ASAP1: variants seen among roughly 807,000 people sequenced by gnomAD.
ASAP1 encodes ArfGAP with SH3 domain, ankyrin repeat and PH domain 1, also known as arf-GAP with SH3 domain, ANK repeat and PH domain-containing protein 1.
ASAP1 carries 43 observed loss-of-function variants against 145.2 expected under a neutral mutation model. The ratio of observed to expected loss-of-function variants is 0.30; its 90% confidence interval spans 0.23 to 0.38. ASAP1 has a LOEUF of 0.38. ASAP1 is among the 10% of genes least tolerant of loss of function. The pLI is 1.00. For missense variants in ASAP1, 1,018 were observed against 1,355.3 expected, an observed-to-expected ratio of 0.75 and a Z score of 3.91; for synonymous variants, 546 against 515.5, an observed-to-expected ratio of 1.06 and a Z score of -0.80.
intron 3 of ASAP1, among the ~76,000 whole-genome samples, chr8:130,246,397 T>C (rs1005090687): frequency 4.6e-5 from 7 of 152,294 alleles, no homozygotes; most frequent in African/African-American, 1.4e-4. Context: ...AAATCTCATG[T>C]TGAACTGTAA....
chr8:130,168,371 G>A (rs2097684421), intron 10 of ASAP1, among the ~76,000 whole-genome samples: 1 of 152,106 alleles, frequency 6.6e-6, no homozygotes, highest in Non-Finnish European at 1.5e-5. Context: ...AATCAAAGGC[G>A]TGGTGGCTCA....
chr8:130,285,856 C>A (rs929191988), intron 3 of ASAP1, among the ~76,000 whole-genome samples: 3 of 152,130 alleles, frequency 2.0e-5, no homozygotes, highest in Non-Finnish European at 4.4e-5. Context: ...TGAGCGAGTA[C>A]CAACAATGTT....
intron 25 of ASAP1, among the ~76,000 whole-genome samples, chr8:130,087,323 C>T (rs143262783): frequency 1.3e-3 from 196 of 152,226 alleles, no homozygotes; most frequent in African/African-American, 4.5e-3. Context: ...AGTTTGAGAC[C>T]AGCCTGGCCA....
rs111685612 is a variant in ASAP1, at chr8:130,253,850, G to A, written c.187-16856C>T. Among the ~76,000 whole-genome samples the A allele has an allele frequency of 7.9e-3, 1,207 of 152,058 alleles. 14 individuals are homozygous for A. The highest frequency in any genetic ancestry group is 0.028 in the African/African-American group (1,164 of 41,492). ...AGCCTGGCCAACATGGTGAAACCCC[G>A]TCTCTACTAAAAATATAAAAATTAG... On this transcript the variant is annotated intron_variant, in intron 3 of 29. Coordinates refer to ENST00000518721, the MANE Select transcript of ASAP1 (RefSeq NM_018482.4).
At chr8:130,291,395 C>G (rs768278244) in intron 3 of ASAP1, among the ~76,000 whole-genome samples, 3 of 152,194 alleles carry the variant, frequency 2.0e-5, no homozygotes, top group Non-Finnish European at 4.4e-5. Flanking sequence ...CTCCACATGT[C>G]CTTGGGACTT....
chr8:130,161,926 G>A (rs192021021), intron 11 of ASAP1, among the ~76,000 whole-genome samples: 26 of 152,206 alleles, frequency 1.7e-4, no homozygotes, highest in African/African-American at 5.1e-4. Flanking sequence ...TCAGCCTTCT[G>A]AGTAGCTGGG....
chr8:130,321,931 C>A (rs1824032185), intron 3 of ASAP1, among the ~76,000 whole-genome samples: 1 of 152,168 alleles, frequency 6.6e-6, no homozygotes, highest in Non-Finnish European at 1.5e-5. Context: ...TTATACCTGG[C>A]ATATAACAGA....
intron 27 of ASAP1, among the ~76,000 whole-genome samples, chr8:130,073,579 C>T (rs1220663897): frequency 6.6e-6 from 1 of 152,076 alleles, no homozygotes; most frequent in East Asian, 1.9e-4. Flanking sequence ...AAGGAACTGA[C>T]AGTGCAGCGA....
chr8:130,107,841 G>A (rs1027104428), intron 24 of ASAP1, among the ~76,000 whole-genome samples: 2 of 152,072 alleles, frequency 1.3e-5, no homozygotes, highest in East Asian at 3.9e-4. Flanking sequence ...GAGACACCAC[G>A]CCCGACCACC....
intron 18 of ASAP1, among the ~76,000 whole-genome samples, chr8:130,123,523 C>A (rs532270036): frequency 6.6e-6 from 1 of 152,160 alleles, no homozygotes; most frequent in Non-Finnish European, 1.5e-5. Context: ...CTGTGCATCC[C>A]GGAAATACAT....
chr8:130,356,144 T>C (rs1826293247), intron 3 of ASAP1, among the ~76,000 whole-genome samples: 1 of 152,242 alleles, frequency 6.6e-6, no homozygotes. Flanking sequence ...CTGCATGTAA[T>C]TTAACATTAA....
chr8:130,117,818 C>T (rs898726728), intron 20 of ASAP1, among the ~76,000 whole-genome samples: 2 of 152,194 alleles, frequency 1.3e-5, no homozygotes, highest in African/African-American at 4.8e-5. Flanking sequence ...TTTTTGGATA[C>T]AGACATAATT....
chr8:130,133,690 A>AACAC (rs1488766059), intron 15 of ASAP1, among the ~76,000 whole-genome samples: 1 of 148,674 alleles, frequency 6.7e-6, no homozygotes, highest in Non-Finnish European at 1.5e-5. Flanking sequence ...CAAACAAACA[A>AACAC]AAAAAAAAAC....
chr8:130,323,591 G>C (rs1433271081), intron 3 of ASAP1, among the ~76,000 whole-genome samples: 1 of 152,082 alleles, frequency 6.6e-6, no homozygotes, highest in Non-Finnish European at 1.5e-5. Context: ...AAACCGTTTT[G>C]ACTCCTCCTA....
At chr8:130,189,655 C>A (rs984633222) in intron 5 of ASAP1, among the ~76,000 whole-genome samples, 2 of 152,136 alleles carry the variant, frequency 1.3e-5, no homozygotes. Context: ...GATTTCTTTT[C>A]TTTTAGGTAT....
At chr8:130,385,949 A>T (rs1433628218) in intron 2 of ASAP1, among the ~76,000 whole-genome samples, 1 of 152,186 alleles carries the variant, frequency 6.6e-6, no homozygotes, top group Non-Finnish European at 1.5e-5. Flanking sequence ...TGATCAGGTG[A>T]CATGGGCTTG....
At chr8:130,267,134 CA>C in intron 3 of ASAP1, among the ~76,000 whole-genome samples, 1 of 106,532 alleles carries the variant, frequency 9.4e-6, no homozygotes, top group Non-Finnish European at 2.3e-5. Flanking sequence ...AAAAAAAAAA[CA>C]AAACAAAAAA....
chr8:130,227,212 C>T (rs558402129), intron 4 of ASAP1, among the ~76,000 whole-genome samples: 1 of 152,152 alleles, frequency 6.6e-6, no homozygotes, highest in East Asian at 1.9e-4. Flanking sequence ...TGGTAGCCTA[C>T]GATAGGACTC....
intron 29 of ASAP1, among the ~76,000 whole-genome samples, 171 bp from the exon 30 acceptor site, chr8:130,054,976 T>C (rs969007999): frequency 6.6e-6 from 1 of 152,050 alleles, no homozygotes; most frequent in African/African-American, 2.4e-5. Flanking sequence ...GGTCATAAAC[T>C]ACATAAGGAA....
Sources: allele counts gnomAD v4.1 joint callset (sites outside exome capture counted in the v4.1 genomes callset), GRCh38; gene constraint gnomAD v4.1.1; transcripts MANE v1.5; gene names NCBI Gene and HGNC (gene_info 2026-07-23, HGNC 2026-07-21).